Variants in PDE1C observed in about 807,000 individuals in gnomAD.
PDE1C encodes dual specificity calcium/calmodulin-dependent 3',5'-cyclic nucleotide phosphodiesterase 1C.
In PDE1C, 62 loss-of-function variants were observed where a neutral mutation model predicts 93.1. That is an observed-to-expected ratio of 0.67 (90% confidence interval 0.54 to 0.82). PDE1C has a LOEUF of 0.82. Among genes scored for constraint, PDE1C ranks in the 40% least tolerant of loss-of-function variants. The pLI, the probability that PDE1C is intolerant of heterozygous loss-of-function variation, is 0.00. For missense variants in PDE1C, 742 were observed against 884.6 expected, an observed-to-expected ratio of 0.84 and a Z score of 2.04; for synonymous variants, 325 against 310.1, an observed-to-expected ratio of 1.05 and a Z score of -0.50.
chr7:31,954,715 C>T (rs182521335), intron 2 of PDE1C, among the ~76,000 whole-genome samples: 52 of 152,230 alleles, frequency 3.4e-4, no homozygotes, highest in Non-Finnish European at 4.1e-4. Context: ...AAAGTGATTG[C>T]GGTTTTTGCC....
chr7:31,628,247 G>C, the PDE1C span, among the ~76,000 whole-genome samples: 2 of 152,054 alleles, frequency 1.3e-5, no homozygotes, highest in African/African-American at 2.4e-5. Context: ...GCCTCCCATT[G>C]ATGGAACACA....
the PDE1C span, among the ~76,000 whole-genome samples, chr7:31,687,574 C>T: frequency 2.0e-5 from 3 of 152,212 alleles, no homozygotes; most frequent in East Asian, 5.8e-4. Context: ...CATATTCACA[C>T]AGGATAGAGA....
intron 2 of PDE1C, among the ~76,000 whole-genome samples, chr7:31,898,381 T>C (rs1799575828): frequency 6.6e-6 from 1 of 152,144 alleles, no homozygotes; most frequent in Non-Finnish European, 1.5e-5. Flanking sequence ...TAAACTTCTC[T>C]ACAAAATTTA....
intron 2 of PDE1C, among the ~76,000 whole-genome samples, chr7:31,972,564 T>A (rs1811101018): frequency 6.6e-6 from 1 of 152,172 alleles, no homozygotes; most frequent in African/African-American, 2.4e-5. Context: ...TTAGAAAAAG[T>A]AATGAGCTTC....
intron 1 of PDE1C, among the ~76,000 whole-genome samples, chr7:32,253,940 C>T (rs1166692283): frequency 6.6e-6 from 1 of 152,084 alleles, no homozygotes; most frequent in Non-Finnish European, 1.5e-5. Flanking sequence ...CCTGAGAACA[C>T]CATCCTAGGG....
intron 1 of PDE1C, among the ~76,000 whole-genome samples, chr7:32,420,120 TATATACACACACACACACACACACAC>T (rs1359645013): frequency 8.6e-5 from 2 of 23,176 alleles, no homozygotes; most frequent in African/African-American, 2.6e-4. Flanking sequence ...TATATATATA[TATATACACACACACACACACACACAC>T]ACACACACAC....
chr7:31,909,820 T>C lies in PDE1C; in HGVS notation c.129-28960A>G, dbSNP rs561209769. On this transcript the variant is annotated intron_variant, in intron 2 of 17. Transcript: ENST00000396191. ...AAATTAGTAAATGGCAAGTCAGGGT[T>C]TGAACCCAGGCTGTCTGGCACTAAA... is the stretch of plus-strand genomic sequence containing the variant. Among the ~76,000 whole-genome samples, 4 of 152,314 alleles carry C rather than the reference T, an allele frequency of 2.6e-5. No individual in the cohort carries two copies. In the East Asian group the frequency reaches 5.8e-4, roughly 22 times the overall value.
intron 3 of PDE1C, among the ~76,000 whole-genome samples, chr7:32,093,104 A>C (rs1261388367): frequency 6.6e-6 from 1 of 152,206 alleles, no homozygotes; most frequent in Non-Finnish European, 1.5e-5. Flanking sequence ...CTGTCTCATT[A>C]AACTAAAGTA....
chr7:32,409,529 T>C (rs955047426), intron 1 of PDE1C, among the ~76,000 whole-genome samples: 5 of 151,954 alleles, frequency 3.3e-5, no homozygotes, highest in Non-Finnish European at 5.9e-5. Context: ...AGCAATAGAA[T>C]GCAACAGAAC....
intron 1 of PDE1C, among the ~76,000 whole-genome samples, chr7:32,333,137 A>C (rs1783546544): frequency 6.6e-6 from 1 of 152,252 alleles, no homozygotes; most frequent in Non-Finnish European, 1.5e-5. Context: ...AGTCAAAGTA[A>C]ACCAAGGTCA....
At chr7:32,121,921 G>C (rs568523967) in intron 3 of PDE1C, among the ~76,000 whole-genome samples, 4 of 152,254 alleles carry the variant, frequency 2.6e-5, no homozygotes, top group African/African-American at 9.6e-5. Context: ...AAAAGACACA[G>C]ACTGGCAAAT....
At chr7:32,038,848 A>G (rs1234578854) in intron 2 of PDE1C, among the ~76,000 whole-genome samples, 2 of 152,204 alleles carry the variant, frequency 1.3e-5, no homozygotes, top group African/African-American at 2.4e-5. Context: ...TCTATTCAAA[A>G]TAATGATGCT....
intron 1 of PDE1C, among the ~76,000 whole-genome samples, chr7:32,405,971 G>A (rs1356798757): frequency 5.3e-5 from 8 of 152,130 alleles, no homozygotes; most frequent in African/African-American, 1.4e-4. Context: ...TGATTGTGCC[G>A]TGTAGCTCAG....
chr7:32,028,500 GTTA>G (rs997694208), intron 2 of PDE1C, among the ~76,000 whole-genome samples: 145 of 151,848 alleles, frequency 9.5e-4, no homozygotes, highest in African/African-American at 3.2e-3. Context: ...GTTTCTTATT[GTTA>G]TTATTATTAT....
At chr7:32,076,304 C>T (rs1443811520), upstream of PDE1C, among the ~76,000 whole-genome samples, 1 of 152,012 alleles carries the variant, frequency 6.6e-6, no homozygotes, top group Non-Finnish European at 1.5e-5. Flanking sequence ...GTTATCTTAG[C>T]CATGGGGTTA....
intron 2 of PDE1C, among the ~76,000 whole-genome samples, chr7:31,910,492 C>T (rs1801089482): frequency 1.3e-5 from 2 of 152,202 alleles, no homozygotes; most frequent in South Asian, 2.1e-4. Context: ...TATCTACTTG[C>T]TCCAGCTTTG....
At position 32,016,847 on chromosome 7, in the gene PDE1C, T is replaced by A. The variant is rs536822271; in HGVS notation, c.128+34707A>T. ...AAAATTTTGACAATACTTCTCTGGA[T>A]AACAGAATTTGGGCTGTTTTAAAAT... On this transcript the variant is annotated intron_variant, in intron 2 of 17. Transcript: ENST00000396191. Among the ~76,000 whole-genome samples, 59 of 152,316 alleles carry A rather than the reference T, an allele frequency of 3.9e-4. 2 individuals are homozygous for A. In the South Asian group the frequency reaches 4.6e-3, roughly 12 times the overall value.
chr7:31,900,415 CTT>C (rs57362964), intron 2 of PDE1C, among the ~76,000 whole-genome samples: 1 of 144,604 alleles, frequency 6.9e-6, no homozygotes, highest in Admixed American at 6.9e-5. Context: ...TCCTGGCTAC[CTT>C]TTTTTTTTTT....
chr7:31,960,842 G>C (rs1482710122), intron 2 of PDE1C, among the ~76,000 whole-genome samples: 2 of 152,162 alleles, frequency 1.3e-5, no homozygotes, highest in Admixed American at 6.5e-5. Context: ...AGGTGTATCA[G>C]TCAAAATGAT....
Sources: allele counts gnomAD v4.1 joint callset (sites outside exome capture counted in the v4.1 genomes callset), GRCh38; gene constraint gnomAD v4.1.1; transcripts MANE v1.5; gene names NCBI Gene and HGNC (gene_info 2026-07-23, HGNC 2026-07-21).